Variants in SDK1 observed in about 807,000 individuals in gnomAD.
SDK1 encodes the protein protein sidekick-1.
A neutral mutation model predicts 245.5 loss-of-function variants in SDK1; 157 were observed. The ratio of observed to expected loss-of-function variants is 0.64; its 90% confidence interval spans 0.56 to 0.73. SDK1 has a LOEUF of 0.73. Ranked by LOEUF, SDK1 falls within the 30% of genes least tolerant of loss-of-function variation. The pLI is 0.00. For missense variants in SDK1, 3,583 were observed against 3,002.3 expected (o/e 1.19, Z -4.52); for synonymous variants, 1,647 against 1,278.5 (o/e 1.29, Z -6.15).
chr7:3,987,538 T>C (rs550950933), intron 14 of SDK1, among the ~76,000 whole-genome samples: 7 of 152,266 alleles, frequency 4.6e-5, no homozygotes, highest in Admixed American at 6.5e-5. Context: ...AGAGGGGCTC[T>C]TGGTGGAGAG....
chr7:3,381,717 A>G lies in SDK1; in HGVS notation c.298+79833A>G, dbSNP rs1781491682. Among the ~76,000 whole-genome samples the G allele has an allele frequency of 3.9e-5, 6 of 152,172 alleles. No homozygotes were observed. In the South Asian group the frequency reaches 1.2e-3, roughly 32 times the overall value. Reference sequence around the variant, plus strand: ...TATGCTTTGAAGGAAGGAGAAAAGCACCTCTCCTTCCCTAAAAGAAGGCAG... The same window carrying G: ...TATGCTTTGAAGGAAGGAGAAAAGCGCCTCTCCTTCCCTAAAAGAAGGCAG... On this transcript the variant is annotated intron_variant, in intron 1 of 44. Transcript: ENST00000404826.
chr7:4,031,660 ATATG>A (rs1288310278), intron 17 of SDK1, among the ~76,000 whole-genome samples: 1 of 152,196 alleles, frequency 6.6e-6, no homozygotes, highest in Non-Finnish European at 1.5e-5. Flanking sequence ...ACATATAAAT[ATATG>A]TAGATATAGC....
intron 13 of SDK1, among the ~76,000 whole-genome samples, chr7:3,985,544 C>T (rs556321843): frequency 3.4e-4 from 52 of 152,170 alleles, no homozygotes; most frequent in South Asian, 3.1e-3. Context: ...CCCAGCACTT[C>T]GAGAGGCCGA....
At chr7:3,469,008 C>T (rs1781098783) in intron 1 of SDK1, among the ~76,000 whole-genome samples, 2 of 152,090 alleles carry the variant, frequency 1.3e-5, no homozygotes, top group African/African-American at 4.8e-5. Context: ...TTATTAACAA[C>T]GTGTTAGGCT....
At chr7:3,776,335 C>T (rs190738983) in intron 4 of SDK1, among the ~76,000 whole-genome samples, 70 of 152,278 alleles carry the variant, frequency 4.6e-4, no homozygotes, top group African/African-American at 1.6e-3. Context: ...ATGCACTGTA[C>T]CCACATTCTG....
rs115039851 is a variant in SDK1 at position 3,756,463 on chromosome 7, G to A, written c.714-64987G>A. Among the ~76,000 whole-genome samples, 321 of 151,116 alleles carry A rather than the reference G, an allele frequency of 2.1e-3. 2 individuals carry two copies. Among genetic ancestry groups the A allele is most frequent in the African/African-American group, 7.5e-3 (308 of 41,296 alleles). On this transcript the variant is annotated intron_variant, in intron 4 of 44. Transcript: ENST00000404826. Reference sequence around the variant, plus strand: ...ATAGCACATGTGACACATGTATATCGTTGTTTTAAATCTGACTCCTTTCAC... The same window carrying A: ...ATAGCACATGTGACACATGTATATCATTGTTTTAAATCTGACTCCTTTCAC...
At chr7:3,724,709 G>T (rs10232073) in intron 4 of SDK1, among the ~76,000 whole-genome samples, 1 of 152,070 alleles carries the variant, frequency 6.6e-6, no homozygotes, top group African/African-American at 2.4e-5. Flanking sequence ...GACACGGGCT[G>T]CTTGGGTCCT....
chr7:3,417,295 G>T (rs1779400072), intron 1 of SDK1, among the ~76,000 whole-genome samples: 2 of 152,308 alleles, frequency 1.3e-5, no homozygotes, highest in South Asian at 2.1e-4. Context: ...ATAGAGGTGG[G>T]ACATGGGCTG....
intron 1 of SDK1, among the ~76,000 whole-genome samples, chr7:3,557,496 G>T (rs1424185182): frequency 6.6e-6 from 1 of 152,152 alleles, no homozygotes. Context: ...GAAATGTTCA[G>T]TGTCTTGATG....
chr7:3,440,807 T>C (rs533266704), intron 1 of SDK1, among the ~76,000 whole-genome samples: 9 of 152,192 alleles, frequency 5.9e-5, no homozygotes, highest in Non-Finnish European at 1.3e-4. Flanking sequence ...GCAAAAGTTA[T>C]GGCCACAATG....
In SDK1 at chr7:3,821,480, C is replaced by T. The variant is rs201959269; in HGVS notation, c.744C>T (p.Ile248=). 6.2e-6 allele frequency: 10 copies of T among 1,613,538 alleles called. No individual in the cohort carries two copies. In the Admixed American group the frequency reaches 1.7e-4, roughly 27 times the overall value. ...IAITLENQLV[I]LATTTSDAGA... is the part of the protein sequence containing the mutation. The stretch of plus-strand genomic sequence containing the variant: ...TCACATTGGAGAATCAGCTGGTGAT[C>T]CTCGCCACCACAACCAGTGATGCCG... Residue 248 remains isoleucine (I), a synonymous_variant, in exon 5 of 45, where the codon ATC becomes ATT. Transcript: ENST00000404826.
At chr7:3,636,432 A>G (rs1321568156) in intron 2 of SDK1, among the ~76,000 whole-genome samples, 3 of 152,100 alleles carry the variant, frequency 2.0e-5, no homozygotes, top group Non-Finnish European at 2.9e-5. Flanking sequence ...GGACTATTTT[A>G]CATTCCTCTT....
intron 1 of SDK1, among the ~76,000 whole-genome samples, chr7:3,427,164 TTC>T (rs1216033661): frequency 2.0e-5 from 3 of 152,190 alleles, no homozygotes; most frequent in Non-Finnish European, 4.4e-5. Context: ...ACATTAAAAA[TTC>T]TCTGTCAGTG....
chr7:3,769,254 C>G (rs1780339598), intron 4 of SDK1, among the ~76,000 whole-genome samples: 1 of 152,138 alleles, frequency 6.6e-6, no homozygotes, highest in Non-Finnish European at 1.5e-5. Flanking sequence ...TATTTCTTAA[C>G]AGCTGTGGAG....
intron 4 of SDK1, among the ~76,000 whole-genome samples, chr7:3,700,801 C>T (rs1030836709): frequency 6.6e-6 from 1 of 152,172 alleles, no homozygotes; most frequent in Non-Finnish European, 1.5e-5. Context: ...TTTGTTCTTT[C>T]TTCTTTCCTT....
chr7:3,413,468 G>C (rs1779270403), intron 1 of SDK1, among the ~76,000 whole-genome samples: 2 of 152,188 alleles, frequency 1.3e-5, no homozygotes, highest in Admixed American at 1.3e-4. Flanking sequence ...GCCAAGGCAA[G>C]TGGATCACTT....
chr7:3,954,715 G>A (rs532220822), intron 7 of SDK1, among the ~76,000 whole-genome samples: 188 of 147,568 alleles, frequency 1.3e-3, no homozygotes, highest in African/African-American at 4.4e-3. Context: ...AATGAGTGTT[G>A]GCCTCAGTTT....
At chr7:4,176,077 C>G (rs990897263) in intron 34 of SDK1, among the ~76,000 whole-genome samples, 1 of 151,852 alleles carries the variant, frequency 6.6e-6, no homozygotes, top group Non-Finnish European at 1.5e-5. Context: ...AGAGGAAAGC[C>G]AGATAGAACA....
chr7:3,623,794 T>C (rs1045464644), intron 2 of SDK1, among the ~76,000 whole-genome samples: 3 of 152,232 alleles, frequency 2.0e-5, no homozygotes, highest in African/African-American at 7.2e-5. Context: ...TATTTATTAT[T>C]GTAACAGAAG....
Sources: gnomAD v4.1 joint callset for allele counts (sites outside exome capture counted in the v4.1 genomes callset) on GRCh38, gnomAD v4.1.1 for gene constraint, MANE v1.5 for transcripts, NCBI Gene and HGNC (gene_info 2026-07-23, HGNC 2026-07-21) for gene names.